COLEC11: variants seen among roughly 807,000 people sequenced by gnomAD.
COLEC11 encodes collectin subfamily member 11.
A neutral mutation model predicts 27.3 loss-of-function variants in COLEC11; 20 were observed. The ratio of observed to expected loss-of-function variants is 0.73; its 90% CI spans 0.51 to 1.06. The LOEUF is 1.06. COLEC11 is among the 50% of genes least tolerant of loss of function. COLEC11 has a pLI of 0.00. For missense variants in COLEC11, 310 were observed against 383.0 expected (o/e 0.81, Z 1.59); for synonymous variants, 163 against 154.7 (o/e 1.05, Z -0.40).
chr2:3,603,531 G>A (rs1479460366), intron 1 of COLEC11: 1 of 892,398 alleles, frequency 1.1e-6, no homozygotes, highest in Non-Finnish European at 1.8e-6. Flanking sequence ...TGTCCAGACT[G>A]GTCTCGAACT....
chr2:3,618,900 C>T (rs572785066), intron 3 of COLEC11, among the ~76,000 whole-genome samples: 1 of 152,078 alleles, frequency 6.6e-6, no homozygotes, highest in Non-Finnish European at 1.5e-5. Flanking sequence ...AAATTTATTC[C>T]TAAATATGTC....
intron 2 of COLEC11, among the ~76,000 whole-genome samples, chr2:3,610,561 T>C (rs1228848743): frequency 6.6e-6 from 1 of 152,190 alleles, no homozygotes; most frequent in Admixed American, 6.5e-5. Context: ...GACCGTGGCA[T>C]GGGTGGTCAG....
At chr2:3,627,777 G>A (rs954028500) in intron 3 of COLEC11, among the ~76,000 whole-genome samples, 1 of 150,624 alleles carries the variant, frequency 6.6e-6, no homozygotes, top group Admixed American at 6.6e-5. Context: ...ACAACAGCGT[G>A]AATCTGGGCA....
chr2:3,612,165 TATC>T (rs1258909444), intron 2 of COLEC11, among the ~76,000 whole-genome samples: 3 of 151,986 alleles, frequency 2.0e-5, no homozygotes, highest in East Asian at 3.9e-4. Flanking sequence ...ACTTGTAGCA[TATC>T]AGCGCACACA....
intron 1 of COLEC11, 151 bp from the exon 2 acceptor site, chr2:3,604,164 C>A: frequency 1.3e-6 from 1 of 787,764 alleles, no homozygotes; most frequent in Non-Finnish European, 2.1e-6. Context: ...ATGATTGGTG[C>A]TTGAGTGAGT....
intron 3 of COLEC11, among the ~76,000 whole-genome samples, chr2:3,618,431 G>A (rs182873705): frequency 1.3e-5 from 2 of 152,292 alleles, no homozygotes; most frequent in East Asian, 3.9e-4. Flanking sequence ...TTTCCCAATA[G>A]CATTGTGAAT....
At chr2:3,614,075 C>G (rs1191138770) in intron 3 of COLEC11, among the ~76,000 whole-genome samples, 7 of 149,754 alleles carry the variant, frequency 4.7e-5, no homozygotes, top group Admixed American at 2.0e-4. Flanking sequence ...CTCCCAGGTT[C>G]AAGCTATTCT....
chr2:3,626,162 C>T, intron 3 of COLEC11: 3 of 1,242,232 alleles, frequency 2.4e-6, no homozygotes, highest in Non-Finnish European at 3.6e-6. Flanking sequence ...GGCAACCACT[C>T]TTCCCATGGC....
chr2:3,617,759 TC>T (rs1212446062), intron 3 of COLEC11: 1 of 1,116,804 alleles, frequency 9.0e-7, no homozygotes, highest in East Asian at 2.4e-5. Context: ...CACTGAGTTG[TC>T]GCTTTTGATT....
At chr2:3,603,764 G>A (rs138769832) in intron 1 of COLEC11, 13,813 of 1,170,340 alleles carry the variant, frequency 0.012, 216 homozygotes, top group South Asian at 0.052. Flanking sequence ...TCCTAAGGCC[G>A]GGGCTCCTCT....
intron 1 of COLEC11, among the ~76,000 whole-genome samples, chr2:3,598,600 G>A (rs1662017900): frequency 1.3e-5 from 2 of 152,196 alleles, no homozygotes; most frequent in Admixed American, 1.3e-4. Context: ...TGGGGTCCTG[G>A]GTTTCCGCTT....
intron 2 of COLEC11, chr2:3,605,929 C>G: frequency 4.9e-6 from 4 of 810,454 alleles, no homozygotes; most frequent in Middle Eastern, 3.8e-4. Context: ...ACCAAGTGGA[C>G]TGTCCTGCAG....
At chr2:3,639,206 C>T (rs1665666883) in intron 4 of COLEC11, among the ~76,000 whole-genome samples, 1 of 152,226 alleles carries the variant, frequency 6.6e-6, no homozygotes, top group Admixed American at 6.5e-5. Context: ...ATTCACCTGT[C>T]GATGGACACA....
chr2:3,599,888 A>C (rs765567353), intron 1 of COLEC11, among the ~76,000 whole-genome samples: 17 of 152,304 alleles, frequency 1.1e-4, no homozygotes, highest in Non-Finnish European at 2.2e-4. Context: ...CAACTACATA[A>C]AGTTGAATAT....
At chr2:3,628,615 A>AC (rs933636811) in intron 3 of COLEC11, among the ~76,000 whole-genome samples, 10 of 151,578 alleles carry the variant, frequency 6.6e-5, no homozygotes, top group South Asian at 4.2e-4. Context: ...GGAAAGTGAG[A>AC]CCCCCCACCC....
At position 3,624,663 on chromosome 2, in the gene COLEC11, G is replaced by A. The variant is rs116467875; in HGVS notation, c.202+11281G>A. 7.9e-3 allele frequency among the ~76,000 whole-genome samples: 1,211 copies of A among 152,328 alleles called. 17 individuals are homozygous for A. Among genetic ancestry groups the A allele is most frequent in the African/African-American group, 0.028 (1,152 of 41,562 alleles). On this transcript the variant is annotated intron_variant, in intron 3 of 6. Transcript: ENST00000349077. ...TGTGGGAAACGGTCACACGGGTAAAGTGAAACTGTTCTTACCCTCATCAGT... is the reference window on the plus strand; with the variant it reads ...TGTGGGAAACGGTCACACGGGTAAAATGAAACTGTTCTTACCCTCATCAGT...
intron 5 of COLEC11, among the ~76,000 whole-genome samples, chr2:3,642,159 C>A (rs1164392620): frequency 6.6e-6 from 1 of 152,220 alleles, no homozygotes; most frequent in East Asian, 1.9e-4. Flanking sequence ...ACCGTGCCGT[C>A]TGCGAGGCAT....
chr2:3,613,493 C>A, intron 3 of COLEC11, 111 bp downstream of exon 3: 1 of 1,158,532 alleles, frequency 8.6e-7, no homozygotes, highest in Non-Finnish European at 1.3e-6. Flanking sequence ...AGGCCCTGCC[C>A]TCTGGGTCCC....
intron 2 of COLEC11, among the ~76,000 whole-genome samples, chr2:3,611,262 G>T (rs1025949131): frequency 6.6e-6 from 1 of 152,192 alleles, no homozygotes; most frequent in Non-Finnish European, 1.5e-5. Flanking sequence ...CCTCCTCACC[G>T]CTGGCTCCAC....
Sources: gnomAD v4.1 joint callset for allele counts (sites outside exome capture counted in the v4.1 genomes callset) on GRCh38, gnomAD v4.1.1 for gene constraint, MANE v1.5 for transcripts, NCBI Gene and HGNC (gene_info 2026-07-23, HGNC 2026-07-21) for gene names.